SHBG: variants seen among roughly 807,000 people sequenced by gnomAD.
SHBG encodes sex hormone-binding globulin.
A neutral mutation model predicts 41.9 loss-of-function variants in SHBG; 37 were observed. The ratio of observed to expected loss-of-function variants is 0.88; its 90% CI spans 0.68 to 1.16. The LOEUF is 1.16. Ranked by LOEUF, SHBG falls within the 50% of genes most tolerant of loss-of-function variation. The pLI is 0.00. For synonymous variants in SHBG, 217 were observed against 205.8 expected (o/e 1.05, Z -0.47); for missense variants, 466 against 499.9 (o/e 0.93, Z 0.65).
In SHBG at chr17:7,630,767, G is replaced by T. The variant is rs1174929106; in HGVS notation, c.291G>T (p.Met97Ile). 1.7e-5 allele frequency: 27 copies of T among 1,614,102 alleles called. No homozygotes were observed. Among genetic ancestry groups the T allele is most frequent in the Non-Finnish European group, 2.3e-5 (27 of 1,180,006 alleles). ...CCAACCCTAAGGATGACTGGTTTAT[G>T]CTGGGACTTCGAGACGGCAGGCCTG... ...GDTNPKDDWFMLGLRDGRPEI... is the reference protein window; with the variant it reads ...GDTNPKDDWFILGLRDGRPEI... Residue 97 changes from methionine to isoleucine, a missense_variant, in exon 3 of 8, where the codon ATG becomes ATT. Transcript: ENST00000380450. This position sits in a 1 kb window ranked among gnomAD's most constrained non-coding sequence, Gnocchi z 4.6.
chr17:7,622,911 C>T (rs2072125115), intron 1 of SHBG, among the ~76,000 whole-genome samples: 1 of 151,572 alleles, frequency 6.6e-6, no homozygotes, highest in African/African-American at 2.4e-5. Context: ...GTGGCAGGCG[C>T]CTGTGGTCCC....
At chr17:7,628,388 G>C (rs1034675161), upstream of SHBG, among the ~76,000 whole-genome samples, 1 of 151,648 alleles carries the variant, frequency 6.6e-6, no homozygotes, top group Non-Finnish European at 1.5e-5. Flanking sequence ...CTCAGCCTCC[G>C]GAGTAGCTGG....
rs142693170 is a variant in SHBG, at chr17:7,633,336, C to T, written c.1193C>T (p.Thr398Ile). Residue 398 changes from threonine to isoleucine, a missense_variant, in exon 8 of 8, where the codon ACT becomes ATT. Physicochemically the swap from Thr to Ile is moderately conservative, Grantham distance 89 (BLOSUM62 -1). Coordinates refer to ENST00000380450, the MANE Select transcript of SHBG (RefSeq NM_001040.5). ...TGCCCCCAGAGCCCAGGCAATGGCA[C>T]TGACGCTTCCCATTAAAGCTCCACC... Reference protein sequence around the residue: ...HSCPQSPGNGTDASH With the variant: ...HSCPQSPGNGIDASH The T allele has an allele frequency of 1.9e-6, 3 of 1,614,024 alleles. No homozygotes were observed. The African/African-American group carries it at 4.0e-5, about 22-fold the overall frequency.
chr17:7,618,760 T>A (rs2072037718), intron 1 of SHBG, among the ~76,000 whole-genome samples: 1 of 152,128 alleles, frequency 6.6e-6, no homozygotes, highest in Non-Finnish European at 1.5e-5. Flanking sequence ...AAACAGGACG[T>A]CAACACAAGA....
intron 1 of SHBG, among the ~76,000 whole-genome samples, chr17:7,615,569 G>A (rs968933865): frequency 1.3e-5 from 2 of 151,988 alleles, no homozygotes; most frequent in Middle Eastern, 3.2e-3. Flanking sequence ...GGGAGGCCGA[G>A]GCAGGTGGAT....
At chr17:7,614,197 G>A in intron 1 of SHBG, 1 of 675,554 alleles carries the variant, frequency 1.5e-6, no homozygotes, top group Non-Finnish European at 2.7e-6. Flanking sequence ...GCCAAGCCAG[G>A]GACAATAATG....
intron 1 of SHBG, among the ~76,000 whole-genome samples, chr17:7,621,483 C>T (rs980921762): frequency 7.2e-6 from 1 of 137,988 alleles, no homozygotes; most frequent in Non-Finnish European, 1.6e-5. Context: ...CGCCTGTAAT[C>T]CCAGCTACTC....
At chr17:7,618,443 GTTTTTT>G (rs376297689) in intron 1 of SHBG, among the ~76,000 whole-genome samples, 12,037 of 72,564 alleles carry the variant, frequency 0.17, 620 homozygotes, top group Non-Finnish European at 0.22. Flanking sequence ...GGCTAGGTTT[GTTTTTT>G]TTGTTTTTGT....
upstream of SHBG, chr17:7,626,903 G>A (rs1406432254): frequency 1.2e-6 from 2 of 1,602,040 alleles, no homozygotes; most frequent in Non-Finnish European, 1.7e-6. Context: ...GGTCTGTGGG[G>A]TGCTTTGCTC....
upstream of SHBG, chr17:7,627,603 C>T (rs1259689764): frequency 6.2e-7 from 1 of 1,613,140 alleles, no homozygotes; most frequent in South Asian, 1.1e-5. The surrounding 1 kb of genome is among the most constrained non-coding windows in gnomAD (Gnocchi z 4.8). Context: ...CACAGTCTCC[C>T]TCCTTGGCCT....
In SHBG at chr17:7,630,559, C is replaced by T. The variant is rs759534052; in HGVS notation, c.203+52C>T. 4.0e-5 allele frequency: 62 copies of T among 1,558,736 alleles called. 1 individual carries two copies. In the Admixed American group the frequency reaches 4.8e-4, roughly 12 times the overall value. On this transcript the variant is annotated intron_variant, in intron 2 of 7. Transcript: ENST00000380450. The surrounding 1 kb of genome is among the most constrained non-coding windows in gnomAD (Gnocchi z 4.6). Reference sequence around the variant, plus strand: ...CAGTCCCCTGGTTCTGCCCTCTCTCCATCAGCTCTTCTCTTTTCCCTGTCT... The same window carrying T: ...CAGTCCCCTGGTTCTGCCCTCTCTCTATCAGCTCTTCTCTTTTCCCTGTCT...
chr17:7,618,572 G>T (rs1461824370), intron 1 of SHBG, among the ~76,000 whole-genome samples: 1 of 152,112 alleles, frequency 6.6e-6, no homozygotes, highest in African/African-American at 2.4e-5. Flanking sequence ...TGCCCAAAGT[G>T]TTGGGATTAT....
chr17:7,621,035 G>A (rs1203069050), intron 1 of SHBG, among the ~76,000 whole-genome samples: 2 of 140,302 alleles, frequency 1.4e-5, no homozygotes, highest in African/African-American at 5.2e-5. Context: ...GGTCAAGGTT[G>A]CAGTGAGCCA....
At chr17:7,626,576 G>A (rs546670313), upstream of SHBG, 5 of 1,613,868 alleles carry the variant, frequency 3.1e-6, no homozygotes, top group African/African-American at 1.3e-5. Context: ...AGTCCAGGAC[G>A]GCCAGGCGGA....
rs1168600008 is a variant in SHBG at position 7,630,884 on chromosome 17, G to C, written c.393+15G>C. 1 of 1,609,980 alleles carries C rather than the reference G, an allele frequency of 6.2e-7. No individual in the cohort carries two copies. Among genetic ancestry groups the C allele is most frequent in the Non-Finnish European group, 8.5e-7 (1 of 1,178,448 alleles). ...GATGGCACCAGGTAAGCTAGCTCTG[G>C]TCCTCAGGGGAGGGATGTCTGGAGC... On this transcript the variant is annotated intron_variant, in intron 3 of 7. Transcript: ENST00000380450. This position sits in a 1 kb window ranked among gnomAD's most constrained non-coding sequence, Gnocchi z 4.6.
At chr17:7,631,140 C>T (rs1195133858) in intron 3 of SHBG, 60 bp from the exon 4 acceptor site, 1 of 1,463,308 alleles carries the variant, frequency 6.8e-7, no homozygotes, top group East Asian at 2.5e-5. Context: ...GGCTGCCTCA[C>T]AGGAAGGTGG....
At chr17:7,615,707 G>C (rs190507496) in intron 1 of SHBG, among the ~76,000 whole-genome samples, 2,173 of 130,670 alleles carry the variant, frequency 0.017, 24 homozygotes, top group Non-Finnish European at 0.023. Context: ...GGTGACACGC[G>C]CCTGTAATCC....
At chr17:7,626,399 C>A, upstream of SHBG, 2 of 1,603,374 alleles carry the variant, frequency 1.2e-6, no homozygotes, top group Non-Finnish European at 8.5e-7. Context: ...AGTGCTTCAG[C>A]TGATGGGGAA....
chr17:7,628,206 A>G (rs2072285910), upstream of SHBG: 3 of 448,222 alleles, frequency 6.7e-6, no homozygotes, highest in Non-Finnish European at 1.3e-5. Context: ...CTTGAGTAGC[A>G]TGAAGTGTTA....
Sources: allele counts gnomAD v4.1 joint callset (sites outside exome capture counted in the v4.1 genomes callset), GRCh38; gene constraint gnomAD v4.1.1; non-coding constraint Gnocchi (gnomAD v3.1); transcripts MANE v1.5; gene names NCBI Gene and HGNC (gene_info 2026-07-23, HGNC 2026-07-21).